Variants in RAP1B observed in about 807,000 individuals in gnomAD.
The protein encoded by RAP1B is RAP1B, member of RAS oncogene family.
RAP1B carries 1 observed loss-of-function variant against 27.5 expected under a neutral mutation model. The ratio of observed to expected loss-of-function variants is 0.04; its 90% CI spans 0.01 to 0.17. The LOEUF (loss-of-function observed/expected upper bound fraction) is 0.17. Among genes scored for constraint, RAP1B ranks in the 10% least tolerant of loss-of-function variants. The pLI is 1.00. For synonymous variants in RAP1B, 75 were observed against 73.1 expected, an observed-to-expected ratio of 1.03 and a Z score of -0.13; for missense variants, 84 against 214.8, an observed-to-expected ratio of 0.39 and a Z score of 3.81.
intron 1 of RAP1B, chr12:68,642,695 G>A: frequency 8.8e-7 from 1 of 1,142,368 alleles, no homozygotes; most frequent in South Asian, 1.2e-5. Context: ...CACCCACTCA[G>A]CACAAGATTT....
chr12:68,650,203 G>C (rs919157407), intron 2 of RAP1B, 197 bp from the exon 3 acceptor site: 5 of 407,000 alleles, frequency 1.2e-5, no homozygotes, highest in Non-Finnish European at 2.1e-5. Flanking sequence ...AAGGAGCATA[G>C]TGATTATTTA....
intron 5 of RAP1B, 85 bp downstream of exon 5, chr12:68,654,337 T>C: frequency 2.7e-6 from 1 of 375,650 alleles, no homozygotes; most frequent in Non-Finnish European, 4.1e-6. Flanking sequence ...ATTTTAAAGC[T>C]TGTGTATTTT....
Position 68,654,259 on chromosome 12 carries a change from T to C in RAP1B, c.324+7T>C. The C allele has an allele frequency of 2.6e-6, 4 of 1,538,582 alleles. No homozygotes were observed. Among genetic ancestry groups the C allele is most frequent in the Non-Finnish European group, 3.5e-6 (4 of 1,137,178 alleles). ...AGTTAAAGACACTGATGATGTAAGC[T>C]GACTTCCAAATAAATATATTTTATT... On this transcript the variant is annotated splice_region_variant and intron_variant, in intron 5 of 7. Transcript: ENST00000250559.
At position 68,657,169 on chromosome 12, in the gene RAP1B, A is replaced by G. The variant is rs560427311; in HGVS notation, c.537A>G (p.Ser179=). ...TGCCTGGGAAGGCTCGCAAAAAGTC[A>G]TCATGTCAGCTGCTTTAATATACTA... The part of the protein sequence containing the change: ...TPVPGKARKK[S]SCQLL The change falls in exon 7 of 8, where the codon TCA becomes TCG. Residue 179 remains serine, a synonymous_variant. Coordinates refer to ENST00000250559, the MANE Select transcript of RAP1B (RefSeq NM_001010942.3). 1.1e-5 allele frequency: 17 copies of G among 1,611,592 alleles called. No homozygotes were observed. The Middle Eastern group carries it at 5.0e-4, about 47-fold the overall frequency.
At chr12:68,616,061 T>G (rs1203719110) in intron 1 of RAP1B, among the ~76,000 whole-genome samples, 1 of 151,146 alleles carries the variant, frequency 6.6e-6, no homozygotes, top group Non-Finnish European at 1.5e-5. Context: ...CCTCCAGGGT[T>G]CACGCCATTC....
rs1178088649 is a variant in RAP1B, at chr12:68,661,075, C to T, written c.*1826C>T. ...ACTTTTTGAAAGTATTTGCCAGCTA[C>T]TGGAGCAATTAATCAGTGATAATAT... On this transcript the variant is annotated 3_prime_UTR_variant, in exon 8 of 8. Transcript: ENST00000250559. 12 of 152,110 alleles carry T rather than the reference C, an allele frequency of 7.9e-5. No individual in the cohort carries two copies. The highest frequency in any genetic ancestry group is 7.9e-4 in the Admixed American group (12 of 15,270). 9.4% of individuals were successfully genotyped at this position (152,110 alleles called of 1,614,324 possible).
intron 1 of RAP1B, among the ~76,000 whole-genome samples, chr12:68,614,516 C>G (rs913389466): frequency 2.6e-5 from 4 of 152,204 alleles, no homozygotes; most frequent in African/African-American, 4.8e-5. Context: ...CACGTGTTCA[C>G]TCTATAGAAA....
At chr12:68,616,608 A>G (rs962297641) in intron 1 of RAP1B, among the ~76,000 whole-genome samples, 1 of 151,684 alleles carries the variant, frequency 6.6e-6, no homozygotes, top group Admixed American at 6.6e-5. Context: ...TAAGTTTTGT[A>G]TTTTTAGTAG....
At chr12:68,618,701 T>C (rs1001644909) in intron 1 of RAP1B, among the ~76,000 whole-genome samples, 1 of 149,458 alleles carries the variant, frequency 6.7e-6, no homozygotes, top group African/African-American at 2.4e-5. Flanking sequence ...TACTTCACTG[T>C]CCTAGTAATC....
intron 1 of RAP1B, among the ~76,000 whole-genome samples, chr12:68,639,719 A>C (rs1161998431): frequency 6.6e-6 from 1 of 152,192 alleles, no homozygotes; most frequent in African/African-American, 2.4e-5. Context: ...CATAAGACCA[A>C]CTACATTTAG....
intron 1 of RAP1B, among the ~76,000 whole-genome samples, chr12:68,611,636 G>GGCTT (rs1373409949): frequency 6.6e-6 from 1 of 152,146 alleles, no homozygotes; most frequent in Non-Finnish European, 1.5e-5. Flanking sequence ...CCTGAAACGG[G>GGCTT]GCTTGCTTGC....
chr12:68,635,808 G>A (rs188197958), intron 1 of RAP1B, among the ~76,000 whole-genome samples: 1 of 152,194 alleles, frequency 6.6e-6, no homozygotes, highest in East Asian at 1.9e-4. Flanking sequence ...CTGGGGTTAG[G>A]GGGTGAGTGT....
chr12:68,614,724 A>G (rs1030319549), intron 1 of RAP1B, among the ~76,000 whole-genome samples: 5 of 152,232 alleles, frequency 3.3e-5, no homozygotes, highest in African/African-American at 4.8e-5. Context: ...GCAGTGATTC[A>G]TTGTAACATT....
At chr12:68,613,452 C>T (rs1176583120) in intron 1 of RAP1B, among the ~76,000 whole-genome samples, 1 of 151,890 alleles carries the variant, frequency 6.6e-6, no homozygotes, top group Non-Finnish European at 1.5e-5. Flanking sequence ...ACATTCTCCC[C>T]TCACCCACGA....
At chr12:68,619,331 A>C (rs1450103591) in intron 1 of RAP1B, among the ~76,000 whole-genome samples, 1 of 152,226 alleles carries the variant, frequency 6.6e-6, no homozygotes, top group Admixed American at 6.5e-5. Context: ...CTAGATTTTA[A>C]GCAAAAATTT....
At chr12:68,616,380 G>A (rs1871010882) in intron 1 of RAP1B, among the ~76,000 whole-genome samples, 1 of 151,268 alleles carries the variant, frequency 6.6e-6, no homozygotes, top group Non-Finnish European at 1.5e-5. Flanking sequence ...CGCCTCCAGG[G>A]GTCAAGCAGT....
chr12:68,667,007 A>G lies in RAP1B; in HGVS notation c.*7758A>G, dbSNP rs954900124. 5 of 152,196 alleles carry G rather than the reference A, an allele frequency of 3.3e-5. No homozygotes were observed. Among genetic ancestry groups the G allele is most frequent in the African/African-American group, 1.2e-4 (5 of 41,434 alleles). 9.4% of individuals were successfully genotyped at this position (152,196 alleles called of 1,614,324 possible). A position where few individuals can be genotyped will look rare whatever the true frequency, so the allele number is the denominator to read the frequency against. The stretch of plus-strand genomic sequence containing the variant: ...TACTGGGTATGGAATATTGTTAACC[A>G]TTGTCATCCCACAGAATTACCTTCT... On this transcript the variant is annotated 3_prime_UTR_variant, in exon 8 of 8. Transcript: ENST00000250559.
At chr12:68,636,110 C>CT (rs1008797877) in intron 1 of RAP1B, among the ~76,000 whole-genome samples, 1 of 151,852 alleles carries the variant, frequency 6.6e-6, no homozygotes, top group African/African-American at 2.4e-5. Flanking sequence ...GTCGCAAACT[C>CT]CTGACCTCAA....
At chr12:68,658,038 G>GT (rs1456433910) in intron 7 of RAP1B, among the ~76,000 whole-genome samples, 7 of 152,194 alleles carry the variant, frequency 4.6e-5, no homozygotes, top group Non-Finnish European at 8.8e-5. Context: ...CTGGCACATA[G>GT]TTAACACTCA....
Sources: gnomAD v4.1 joint callset for allele counts (sites outside exome capture counted in the v4.1 genomes callset) on GRCh38, gnomAD v4.1.1 for gene constraint, MANE v1.5 for transcripts, NCBI Gene and HGNC (gene_info 2026-07-23, HGNC 2026-07-21) for gene names.